The following DNAH12 variants were observed in gnomAD, a reference collection of about 807,000 sequenced individuals.
The protein encoded by DNAH12 is axonemal beta dynein heavy chain 12.
In DNAH12, 285 loss-of-function variants were observed where a neutral mutation model predicts 371.5. The observed-to-expected ratio is 0.77, with a 90% CI of 0.70 to 0.85. The LOEUF (loss-of-function observed/expected upper bound fraction) is 0.85, where lower values mean the gene tolerates loss of function less well. DNAH12 is among the 40% of genes least tolerant of loss of function. The probability of loss-of-function intolerance (pLI) is 0.00; values close to 1 mark genes in which losing one functional copy is unlikely to be tolerated. For missense variants in DNAH12, 3,611 were observed against 3,689.4 expected (o/e 0.98, Z 0.55); for synonymous variants, 1,200 against 1,213.0 (o/e 0.99, Z 0.22).
At chr3:57,401,576 A>AG in intron 43 of DNAH12, among the ~76,000 whole-genome samples, 1 of 148,684 alleles carries the variant, frequency 6.7e-6, no homozygotes, top group East Asian at 2.0e-4. Context: ...AAAAAAAAAA[A>AG]AAAAAAGAAG....
At chr3:57,533,274 C>T (rs901924964) in intron 2 of DNAH12, among the ~76,000 whole-genome samples, 2 of 152,136 alleles carry the variant, frequency 1.3e-5, no homozygotes, top group East Asian at 1.9e-4. Context: ...AAATGCCATC[C>T]AAGAGCCAAG....
chr3:57,411,526 C>CAAAAAAAAAAA (rs57344840), intron 39 of DNAH12, among the ~76,000 whole-genome samples: 7 of 39,148 alleles, frequency 1.8e-4, no homozygotes, highest in East Asian at 1.3e-3. Flanking sequence ...GACACTGTCT[C>CAAAAAAAAAAA]AAAAAAAAAA....
rs1342220304 is a variant in DNAH12, at chr3:57,358,125, AAT to A, written c.9361-779_9361-778del. ...TGCCTATGTAGTCATGTTTATATCAAATCCTGTTTGTTGCTAATTTAATCAAG... is the reference window on the plus strand; with the variant it reads ...TGCCTATGTAGTCATGTTTATATCAACCTGTTTGTTGCTAATTTAATCAAG... On this transcript the variant is annotated intron_variant, in intron 58 of 73. Coordinates refer to ENST00000495027, the MANE Select transcript of DNAH12 (RefSeq NM_001366028.2). Among the ~76,000 whole-genome samples, 3 of 152,282 alleles carry A rather than the reference AAT, an allele frequency of 2.0e-5. No homozygotes were observed. In the East Asian group the frequency reaches 5.8e-4, roughly 29 times the overall value.
In DNAH12 at chr3:57,509,716, G is replaced by T. The variant is rs145556861; in HGVS notation, c.470-504C>A. Among the ~76,000 whole-genome samples, 1,417 of 151,968 alleles carry T rather than the reference G, an allele frequency of 9.3e-3. 24 individuals carry two copies. Among genetic ancestry groups the T allele is most frequent in the African/African-American group, 0.032 (1,335 of 41,462 alleles). On this transcript the variant is annotated intron_variant, in intron 5 of 73. Coordinates refer to ENST00000495027, the MANE Select transcript of DNAH12 (RefSeq NM_001366028.2). Reference sequence around the variant, plus strand: ...ATCTCTACTAAAAATACAAAAATTAGCTGGGCATGGTGGCAGGCGCCTGTA... The same window carrying T: ...ATCTCTACTAAAAATACAAAAATTATCTGGGCATGGTGGCAGGCGCCTGTA...
chr3:57,415,893 A>AC (rs1200480942), intron 37 of DNAH12, among the ~76,000 whole-genome samples: 6 of 150,632 alleles, frequency 4.0e-5, no homozygotes, highest in African/African-American at 1.5e-4. Flanking sequence ...GGTTCAAGCA[A>AC]CCCCCCTGCC....
rs935948974 is a variant in DNAH12 at position 57,441,628 on chromosome 3, T to C, written c.4545+3069A>G. Among the ~76,000 whole-genome samples the C allele has an allele frequency of 9.9e-5, 15 of 151,974 alleles. No individual in the cohort carries two copies. In the South Asian group the frequency reaches 3.1e-3, roughly 32 times the overall value. ...GCAACAAAGTAAAACCTTGTCTCTA[T>C]GAAAAATAAAATAATTAGTTGGGTG... On this transcript the variant is annotated intron_variant, in intron 29 of 73. Coordinates refer to ENST00000495027, the MANE Select transcript of DNAH12 (RefSeq NM_001366028.2).
the DNAH12 span, among the ~76,000 whole-genome samples, chr3:57,550,102 A>G: frequency 9.2e-5 from 14 of 152,166 alleles, no homozygotes; most frequent in African/African-American, 3.1e-4. Flanking sequence ...TGAGGCCAGG[A>G]GTGCAAGACC....
In DNAH12 at chr3:57,446,602, C is replaced by T. The variant is rs1299774554; in HGVS notation, c.3874G>A (p.Ala1292Thr). Reference protein sequence around the residue: ...KTETTKDLAKALAVQCVVFNC... With the variant: ...KTETTKDLAKTLAVQCVVFNC... The stretch of plus-strand genomic sequence containing the variant: ...AACACCACACACTGTACAGCAAGAG[C>T]TTTAGCCAAGTCCTTGGTGGTTTCG... The change falls in exon 26 of 74, where the codon GCT (alanine) becomes ACT (threonine). Residue 1292 changes from alanine (A) to threonine (T), a missense_variant. Coordinates refer to ENST00000495027, the MANE Select transcript of DNAH12 (RefSeq NM_001366028.2). 2 of 1,550,676 alleles carry T rather than the reference C, an allele frequency of 1.3e-6. No individual in the cohort carries two copies. The highest frequency in any genetic ancestry group is 3.9e-5 in the Admixed American group (2 of 50,938).
At chr3:57,458,827 T>G (rs560492432) in intron 20 of DNAH12, among the ~76,000 whole-genome samples, 5 of 152,190 alleles carry the variant, frequency 3.3e-5, no homozygotes, top group Non-Finnish European at 7.3e-5. Flanking sequence ...AGATCTGTCC[T>G]GCAAAGCCTA....
At chr3:57,302,557 A>ATGGTTTT (rs1559535398) in intron 69 of DNAH12, among the ~76,000 whole-genome samples, 1 of 58,522 alleles carries the variant, frequency 1.7e-5, no homozygotes, top group African/African-American at 5.0e-5. Flanking sequence ...ATATATATAT[A>ATGGTTTT]TATATATGTA....
intron 30 of DNAH12, among the ~76,000 whole-genome samples, chr3:57,436,519 T>C (rs576562964): frequency 3.7e-4 from 56 of 152,298 alleles, no homozygotes; most frequent in African/African-American, 1.3e-3. Context: ...AGCCCACTAT[T>C]GTGCACTGGG....
intron 35 of DNAH12, among the ~76,000 whole-genome samples, chr3:57,424,575 A>G (rs1464777889): frequency 6.6e-6 from 1 of 151,956 alleles, no homozygotes; most frequent in Admixed American, 6.6e-5. Context: ...CAGGAGTTCA[A>G]GACCAGCCTG....
chr3:57,366,415 T>C lies in DNAH12; in HGVS notation c.9167+314A>G, dbSNP rs922598397. 3.9e-3 allele frequency among the ~76,000 whole-genome samples: 600 copies of C among 152,254 alleles called. 3 individuals are homozygous for C. Among genetic ancestry groups the C allele is most frequent in the African/African-American group, 0.013 (555 of 41,562 alleles). ...TACTTTCTTAATAAACTTGCTTTCATTATACTCTGTGGACTCGCCCTGAAT... is the reference window on the plus strand; with the variant it reads ...TACTTTCTTAATAAACTTGCTTTCACTATACTCTGTGGACTCGCCCTGAAT... On this transcript the variant is annotated intron_variant, in intron 57 of 73. Transcript: ENST00000495027.
At chr3:57,402,276 T>G in intron 43 of DNAH12, 1 of 700,806 alleles carries the variant, frequency 1.4e-6, no homozygotes, top group Non-Finnish European at 2.1e-6. Flanking sequence ...TTGTGAAAGG[T>G]CAGTGAAAGT....
Position 57,454,412 on chromosome 3 carries a change from G to A in DNAH12, c.3456+363C>T, listed in dbSNP as rs577193201. ...GGAGAATCACTTGAACCTGGGAGGC[G>A]GAGGTTGCAGTGAGCCGAGATCATG... On this transcript the variant is annotated intron_variant, in intron 23 of 73. Coordinates refer to ENST00000495027, the MANE Select transcript of DNAH12 (RefSeq NM_001366028.2). Among the ~76,000 whole-genome samples, 68 of 151,462 alleles carry A rather than the reference G, an allele frequency of 4.5e-4. 1 individual carries two copies. In the South Asian group the frequency reaches 0.013, roughly 29 times the overall value.
At position 57,504,108 on chromosome 3, in the gene DNAH12, A is replaced by T; in HGVS notation, c.994T>A (p.Phe332Ile). ...RLPIFKIELT[F>I]DDDKMEFYPT... ...TAAAATTCCATTTTGTCGTCATCAA[A>T]TGTCAATTCTATCTTAAATATTGGC... Residue 332 changes from phenylalanine to isoleucine, a missense_variant, in exon 9 of 74, where the codon TTT (phenylalanine) becomes ATT (isoleucine). By Grantham distance (21) the Phe-to-Ile change is conservative. Transcript: ENST00000495027. 1 of 1,613,978 alleles carries T rather than the reference A, an allele frequency of 6.2e-7. No individual in the cohort carries two copies. Among genetic ancestry groups the T allele is most frequent in the Non-Finnish European group, 8.5e-7 (1 of 1,179,934 alleles).
At chr3:57,399,219 AATC>A (rs1384445551) in intron 43 of DNAH12, among the ~76,000 whole-genome samples, 3 of 152,262 alleles carry the variant, frequency 2.0e-5, no homozygotes, top group South Asian at 2.1e-4. Flanking sequence ...TACAAATAAA[AATC>A]ATCATAACAT....
chr3:57,365,425 A>G (rs2063028915), intron 57 of DNAH12, among the ~76,000 whole-genome samples: 1 of 152,146 alleles, frequency 6.6e-6, no homozygotes, highest in African/African-American at 2.4e-5. Context: ...ACGTAGACAC[A>G]GGGTAGGGAA....
At chr3:57,301,971 T>C in intron 69 of DNAH12, 32 bp from the exon 70 acceptor site, 14 of 1,529,138 alleles carry the variant, frequency 9.2e-6, no homozygotes, top group Non-Finnish European at 1.2e-5. Context: ...CATCAACATA[T>C]ATGATGATAT....
Sources: allele counts gnomAD v4.1 joint callset (sites outside exome capture counted in the v4.1 genomes callset), GRCh38; gene constraint gnomAD v4.1.1; transcripts MANE v1.5; gene names NCBI Gene and HGNC (gene_info 2026-07-23, HGNC 2026-07-21).